The following PDGFC variants were observed in gnomAD, a reference collection of about 807,000 sequenced individuals.
PDGFC encodes platelet-derived growth factor C.
Under a neutral mutation model 35.5 loss-of-function variants are expected in PDGFC, and 12 were observed. The ratio of observed to expected loss-of-function variants is 0.34; its 90% CI spans 0.22 to 0.55. The LOEUF is 0.55. Ranked by LOEUF, PDGFC falls within the 20% of genes least tolerant of loss-of-function variation. The pLI is 0.91. For synonymous variants in PDGFC, 159 were observed against 148.8 expected (o/e 1.07, Z -0.50); for missense variants, 322 against 412.4 (o/e 0.78, Z 1.90).
intron 1 of PDGFC, among the ~76,000 whole-genome samples, chr4:156,860,702 G>T (rs1729690228): frequency 6.6e-6 from 1 of 151,366 alleles, no homozygotes. Context: ...AGAAAGATAT[G>T]CATAATGCAT....
chr4:156,895,461 A>T (rs543384469), intron 1 of PDGFC, among the ~76,000 whole-genome samples: 2 of 152,084 alleles, frequency 1.3e-5, no homozygotes, highest in East Asian at 3.9e-4. Flanking sequence ...GGTAAACCCC[A>T]TCTCTACTGA....
chr4:156,915,869 C>T (rs538271557), intron 1 of PDGFC, among the ~76,000 whole-genome samples: 32 of 152,098 alleles, frequency 2.1e-4, no homozygotes, highest in African/African-American at 7.5e-4. Flanking sequence ...TTGCTTGATC[C>T]CCAAAGAATA....
chr4:156,767,660 T>C, intron 5 of PDGFC, 113 bp downstream of exon 5: 1 of 666,892 alleles, frequency 1.5e-6, no homozygotes, highest in Non-Finnish European at 2.6e-6. Context: ...ACCTCTTTTT[T>C]TTCCCCATGA....
rs527395098 is a variant in PDGFC at position 156,820,817 on chromosome 4, C to T, written c.315-9800G>A. ...GTAAACTGTGAATAGCATAAAATTT[C>T]AAATCAAGGTAAAACATTATTCAAC... On this transcript the variant is annotated intron_variant, in intron 2 of 5. Transcript: ENST00000502773. Among the ~76,000 whole-genome samples, 808 of 152,166 alleles carry T rather than the reference C, an allele frequency of 5.3e-3. 9 individuals are homozygous for T. The highest frequency in any genetic ancestry group is 0.018 in the African/African-American group (767 of 41,512).
intron 1 of PDGFC, among the ~76,000 whole-genome samples, chr4:156,856,449 C>T (rs1729583703): frequency 3.9e-5 from 6 of 152,050 alleles, no homozygotes. Flanking sequence ...GGTTTCATTC[C>T]TGGACCAGCT....
At position 156,762,883 on chromosome 4, in the gene PDGFC, T is replaced by C. The variant is rs1730414747; in HGVS notation, c.*207A>G. On this transcript the variant is annotated 3_prime_UTR_variant, in exon 6 of 6. Coordinates refer to ENST00000502773, the MANE Select transcript of PDGFC (RefSeq NM_016205.3). ...CCACGATTGAAGACCTTTTCTCCTG[T>C]CCTTTAGGCCTCCTCTCAAAAGAGC... The C allele has an allele frequency of 2.0e-6, 1 of 491,402 alleles. No homozygotes were observed. The highest frequency in any genetic ancestry group is 3.2e-5 in the Admixed American group (1 of 31,024). 30.4% of individuals were successfully genotyped at this position (491,402 alleles called of 1,614,324 possible).
intron 3 of PDGFC, among the ~76,000 whole-genome samples, chr4:156,787,059 G>C (rs571952365): frequency 6.6e-6 from 1 of 152,258 alleles, no homozygotes; most frequent in Admixed American, 6.5e-5. Flanking sequence ...AGATCCAGAG[G>C]TTTATGGATA....
intron 1 of PDGFC, among the ~76,000 whole-genome samples, chr4:156,885,814 T>A (rs1730363690): frequency 6.6e-6 from 1 of 152,052 alleles, no homozygotes; most frequent in African/African-American, 2.4e-5. Flanking sequence ...ATGCCCAGGA[T>A]TTGGAGGTGG....
intron 3 of PDGFC, among the ~76,000 whole-genome samples, chr4:156,777,304 A>G (rs1730855676): frequency 6.6e-6 from 1 of 152,216 alleles, no homozygotes; most frequent in African/African-American, 2.4e-5. Context: ...GTTTAAATGA[A>G]TATAGACACA....
intron 3 of PDGFC, among the ~76,000 whole-genome samples, chr4:156,804,877 A>C (rs1731717752): frequency 6.6e-6 from 1 of 150,990 alleles, no homozygotes; most frequent in Non-Finnish European, 1.5e-5. Flanking sequence ...AATATGAATC[A>C]ATCAAACCTC....
chr4:156,781,948 A>G (rs1730991435), intron 3 of PDGFC, among the ~76,000 whole-genome samples: 1 of 152,184 alleles, frequency 6.6e-6, no homozygotes, highest in African/African-American at 2.4e-5. Flanking sequence ...AAGATAAATA[A>G]TTATTTTAAA....
At chr4:156,888,790 C>G (rs1354340688) in intron 1 of PDGFC, among the ~76,000 whole-genome samples, 1 of 152,040 alleles carries the variant, frequency 6.6e-6, no homozygotes, top group Non-Finnish European at 1.5e-5. Flanking sequence ...GTGTGCAAAC[C>G]TTCAGTAATT....
chr4:156,851,505 G>A (rs998262172), intron 1 of PDGFC, among the ~76,000 whole-genome samples: 2 of 152,102 alleles, frequency 1.3e-5, no homozygotes, highest in African/African-American at 4.8e-5. Flanking sequence ...AGTTGGCACT[G>A]CTGAGAAAGG....
intron 2 of PDGFC, among the ~76,000 whole-genome samples, chr4:156,848,261 C>T (rs1159836874): frequency 6.6e-6 from 1 of 151,742 alleles, no homozygotes; most frequent in African/African-American, 2.4e-5. Flanking sequence ...TTTTAAAAGA[C>T]AGATCAGAAG....
intron 1 of PDGFC, among the ~76,000 whole-genome samples, chr4:156,963,297 C>T (rs1732385096): frequency 6.6e-6 from 1 of 151,816 alleles, no homozygotes; most frequent in South Asian, 2.1e-4. Flanking sequence ...GTAAGACCCC[C>T]ATCTCTAAAA....
intron 1 of PDGFC, among the ~76,000 whole-genome samples, chr4:156,858,583 T>A (rs756163587): frequency 2.0e-5 from 3 of 152,100 alleles, no homozygotes; most frequent in African/African-American, 7.2e-5. Context: ...TTAGGAGTAA[T>A]TCATATTACA....
intron 1 of PDGFC, among the ~76,000 whole-genome samples, chr4:156,858,608 C>T (rs950435946): frequency 1.4e-4 from 22 of 152,106 alleles, no homozygotes; most frequent in African/African-American, 4.6e-4. Flanking sequence ...AAGCATTCAC[C>T]TTAAAGGTTC....
intron 1 of PDGFC, among the ~76,000 whole-genome samples, chr4:156,907,791 C>T (rs1333755833): frequency 6.6e-6 from 1 of 152,120 alleles, no homozygotes; most frequent in African/African-American, 2.4e-5. Flanking sequence ...CTGGCTAGGG[C>T]TTGTGTCCTG....
intron 1 of PDGFC, among the ~76,000 whole-genome samples, chr4:156,919,845 T>G (rs1287435604): frequency 6.6e-6 from 1 of 152,218 alleles, no homozygotes; most frequent in Non-Finnish European, 1.5e-5. Flanking sequence ...CTTTGTATAT[T>G]TGTCCCCTCT....
Sources: allele counts gnomAD v4.1 joint callset (sites outside exome capture counted in the v4.1 genomes callset), GRCh38; gene constraint gnomAD v4.1.1; transcripts MANE v1.5; gene names NCBI Gene and HGNC (gene_info 2026-07-23, HGNC 2026-07-21).